The following ELMO1 variants were observed in gnomAD, a reference collection of about 807,000 sequenced individuals.
ELMO1 encodes engulfment and cell motility protein 1.
A neutral mutation model predicts 98.9 loss-of-function variants in ELMO1; 26 were observed. The ratio of observed to expected loss-of-function variants is 0.26; its 90% confidence interval spans 0.19 to 0.36. The LOEUF (loss-of-function observed/expected upper bound fraction) is 0.36, where lower values mean the gene tolerates loss of function less well. Among genes scored for constraint, ELMO1 ranks in the 10% least tolerant of loss-of-function variants. The pLI is 1.00. For missense variants in ELMO1, 627 were observed against 935.2 expected, an observed-to-expected ratio of 0.67 and a Z score of 4.30; for synonymous variants, 346 against 346.0, an observed-to-expected ratio of 1.00 and a Z score of 0.00.
At chr7:37,171,509 T>TTTTTTTTTTTTTTTTTTTTTTTTTTTTTG (rs1352287795) in intron 13 of ELMO1, among the ~76,000 whole-genome samples, 1 of 142,546 alleles carries the variant, frequency 7.0e-6, no homozygotes, top group Admixed American at 7.3e-5. Flanking sequence ...TTTTTTTTTT[T>TTTTTTTTTTTTTTTTTTTTTTTTTTTTTG]TGAGACAGAG....
intron 16 of ELMO1, among the ~76,000 whole-genome samples, chr7:36,999,785 G>A (rs1257788311): frequency 1.3e-5 from 2 of 152,134 alleles, no homozygotes; most frequent in Non-Finnish European, 2.9e-5. Context: ...GTGTGTGTGT[G>A]TGTTTGAATC....
At chr7:37,308,408 G>C (rs57193747) in intron 4 of ELMO1, among the ~76,000 whole-genome samples, 5,140 of 152,220 alleles carry the variant, frequency 0.034, 282 homozygotes, top group African/African-American at 0.12. Context: ...ATGGTCCTAC[G>C]CTGGCTTTAT....
At chr7:37,035,628 T>G (rs539574009) in intron 15 of ELMO1, among the ~76,000 whole-genome samples, 1 of 152,352 alleles carries the variant, frequency 6.6e-6, no homozygotes, top group Admixed American at 6.5e-5. Context: ...CAACTTTTTC[T>G]TATAATATCA....
chr7:37,242,718 A>C, intron 7 of ELMO1, among the ~76,000 whole-genome samples: 1 of 152,204 alleles, frequency 6.6e-6, no homozygotes, highest in East Asian at 1.9e-4. Flanking sequence ...TCAGCAGTGG[A>C]CTGCGACAGG....
intron 2 of ELMO1, among the ~76,000 whole-genome samples, chr7:37,336,741 C>T (rs1003297995): frequency 6.6e-6 from 1 of 151,580 alleles, no homozygotes; most frequent in African/African-American, 2.4e-5. Context: ...GCAGAGGTGC[C>T]ACCAAAAAGG....
intron 1 of ELMO1, among the ~76,000 whole-genome samples, chr7:37,419,089 C>A (rs1030955928): frequency 1.3e-5 from 2 of 152,126 alleles, no homozygotes; most frequent in Non-Finnish European, 2.9e-5. Context: ...ACAGAAACAG[C>A]CGCTCAGGAT....
At chr7:37,082,754 A>G (rs1160608948) in intron 15 of ELMO1, among the ~76,000 whole-genome samples, 2 of 149,686 alleles carry the variant, frequency 1.3e-5, no homozygotes, top group East Asian at 3.9e-4. Context: ...CAAACAGAAA[A>G]GCCCATTTTG....
intron 13 of ELMO1, among the ~76,000 whole-genome samples, chr7:37,154,399 A>G (rs1170196097): frequency 9.0e-6 from 1 of 110,588 alleles, no homozygotes; most frequent in African/African-American, 2.7e-5. Flanking sequence ...ATCCACCACA[A>G]GGAAGCTAAA....
chr7:37,242,198 T>C (rs1794796577), intron 7 of ELMO1, among the ~76,000 whole-genome samples: 1 of 152,198 alleles, frequency 6.6e-6, no homozygotes, highest in African/African-American at 2.4e-5. Flanking sequence ...CTTACACTGA[T>C]ACATCTTCAA....
intron 1 of ELMO1, among the ~76,000 whole-genome samples, chr7:37,343,810 CAT>C (rs1286105287): frequency 2.0e-5 from 3 of 152,036 alleles, no homozygotes; most frequent in Admixed American, 6.5e-5. Context: ...TGTTAACAAT[CAT>C]GTGATACAAA....
intron 15 of ELMO1, among the ~76,000 whole-genome samples, chr7:37,049,773 G>GTTTGTTTTTTTTTTTTTTTTTTTTTT (rs1289136637): frequency 7.2e-6 from 1 of 138,308 alleles, no homozygotes; most frequent in African/African-American, 2.7e-5. Context: ...GTTTTGTTTT[G>GTTTGTTTTTTTTTTTTTTTTTTTTTT]TTTCTTTTTT....
intron 13 of ELMO1, among the ~76,000 whole-genome samples, chr7:37,149,203 G>A (rs1241230210): frequency 6.6e-6 from 1 of 152,234 alleles, no homozygotes; most frequent in African/African-American, 2.4e-5. Context: ...CTAGCATAGG[G>A]CTGCAGCACA....
At chr7:37,381,091 C>G (rs1802560384) in intron 1 of ELMO1, among the ~76,000 whole-genome samples, 2 of 152,232 alleles carry the variant, frequency 1.3e-5, no homozygotes, top group African/African-American at 2.4e-5. Context: ...TTTCATTGCT[C>G]TGCTCATCCA....
chr7:37,247,089 T>C (rs1355312165), intron 6 of ELMO1, among the ~76,000 whole-genome samples: 1 of 152,174 alleles, frequency 6.6e-6, no homozygotes, highest in African/African-American at 2.4e-5. Flanking sequence ...TAACACATAT[T>C]TGTATATCTG....
chr7:37,070,008 C>T (rs895244762), intron 15 of ELMO1, among the ~76,000 whole-genome samples: 5 of 152,198 alleles, frequency 3.3e-5, no homozygotes, highest in African/African-American at 4.8e-5. Context: ...AGGAGGGTGA[C>T]GAGGGGAGAA....
At position 37,155,396 on chromosome 7, in the gene ELMO1, T is replaced by C. The variant is rs1009216825; in HGVS notation, c.1087-22162A>G. ...TGGATAAAGAGTCAAGACCTATTGG[T>C]ATGCTGTATTCAGGAGACCCATCTC... On this transcript the variant is annotated intron_variant, in intron 13 of 21. Coordinates refer to ENST00000310758, the MANE Select transcript of ELMO1 (RefSeq NM_014800.11). Among the ~76,000 whole-genome samples, 11 of 149,934 alleles carry C rather than the reference T, an allele frequency of 7.3e-5. No homozygotes were observed. In the Middle Eastern group the frequency reaches 0.011, roughly 146 times the overall value.
intron 15 of ELMO1, among the ~76,000 whole-genome samples, chr7:37,071,396 A>G (rs1247439936): frequency 6.6e-6 from 1 of 152,210 alleles, no homozygotes; most frequent in Non-Finnish European, 1.5e-5. Flanking sequence ...TTAGGAAAAA[A>G]AATGTATTTT....
In ELMO1 at chr7:36,870,909, C is replaced by A. The variant is rs1368716646; in HGVS notation, c.1823-434G>T. 3.9e-5 allele frequency among the ~76,000 whole-genome samples: 6 copies of A among 152,312 alleles called. No homozygotes were observed. The East Asian group carries it at 9.6e-4, about 24-fold the overall frequency. Reference sequence around the variant, plus strand: ...CATATATCAGTGTCTCTTGTTACAGCATTTGCATCTATTTAGTTTCTGAGT... The same window carrying A: ...CATATATCAGTGTCTCTTGTTACAGAATTTGCATCTATTTAGTTTCTGAGT... On this transcript the variant is annotated intron_variant, in intron 19 of 21. Transcript: ENST00000310758. This position sits in a 1 kb window ranked among gnomAD's most constrained non-coding sequence, Gnocchi z 4.4.
chr7:37,309,489 C>T (rs1798787985), intron 4 of ELMO1, among the ~76,000 whole-genome samples: 1 of 152,152 alleles, frequency 6.6e-6, no homozygotes, highest in South Asian at 2.1e-4. Context: ...AGGAGCTAGC[C>T]CAGGGCTGCT....
Sources: gnomAD v4.1 joint callset for allele counts (sites outside exome capture counted in the v4.1 genomes callset) on GRCh38, gnomAD v4.1.1 for gene constraint, Gnocchi (gnomAD v3.1) non-coding constraint, MANE v1.5 for transcripts, NCBI Gene and HGNC (gene_info 2026-07-23, HGNC 2026-07-21) for gene names.